RARB: variants seen among roughly 807,000 people sequenced by gnomAD.
RARB encodes HBV-activated protein.
A neutral mutation model predicts 51.9 loss-of-function variants in RARB; 17 were observed. The ratio of observed to expected loss-of-function variants is 0.33; its 90% CI spans 0.22 to 0.49. RARB has a LOEUF of 0.49. RARB is among the 20% of genes least tolerant of loss of function. The pLI is 0.99. For missense variants in RARB, 369 were observed against 550.8 expected, an observed-to-expected ratio of 0.67 and a Z score of 3.30; for synonymous variants, 215 against 195.4, an observed-to-expected ratio of 1.10 and a Z score of -0.84.
chr3:25,487,925 A>G (rs1470412708), intron 2 of RARB, among the ~76,000 whole-genome samples: 1 of 152,220 alleles, frequency 6.6e-6, no homozygotes, highest in Non-Finnish European at 1.5e-5. Flanking sequence ...ATGAAGCTTT[A>G]TATCTTCCCT....
intron 2 of RARB, among the ~76,000 whole-genome samples, chr3:25,044,678 A>G (rs1698178854): frequency 6.6e-6 from 1 of 152,224 alleles, no homozygotes; most frequent in African/African-American, 2.4e-5. Context: ...TACTGTCTGG[A>G]AAATGGAAGA....
chr3:25,335,983 C>T (rs1340995887), intron 5 of RARB, among the ~76,000 whole-genome samples: 1 of 150,406 alleles, frequency 6.6e-6, no homozygotes, highest in Admixed American at 6.6e-5. Context: ...GTTTTTAAAA[C>T]ATATATAACA....
intron 2 of RARB, among the ~76,000 whole-genome samples, chr3:24,977,046 G>A (rs928476344): frequency 4.6e-5 from 7 of 152,108 alleles, no homozygotes; most frequent in African/African-American, 1.7e-4. Flanking sequence ...GTTTTTGTCA[G>A]GTTTGTCAAA....
chr3:25,134,474 A>T (rs1385927643), intron 4 of RARB, among the ~76,000 whole-genome samples: 2 of 151,974 alleles, frequency 1.3e-5, no homozygotes, highest in African/African-American at 4.8e-5. Flanking sequence ...CAAAATAAGG[A>T]TAAAATACCT....
chr3:25,155,076 C>T (rs969703106), intron 4 of RARB, among the ~76,000 whole-genome samples: 3 of 152,182 alleles, frequency 2.0e-5, no homozygotes, highest in Non-Finnish European at 4.4e-5. Flanking sequence ...CATTGCCATT[C>T]TCTGATTTAG....
chr3:25,102,223 T>A (rs1699414448), intron 3 of RARB, among the ~76,000 whole-genome samples: 1 of 152,040 alleles, frequency 6.6e-6, no homozygotes, highest in Admixed American at 6.6e-5. Context: ...CCACATCAGT[T>A]CAGGAAAGGT....
intron 5 of RARB, among the ~76,000 whole-genome samples, chr3:25,282,017 A>G (rs927718699): frequency 2.6e-5 from 4 of 152,244 alleles, no homozygotes; most frequent in Admixed American, 6.5e-5. Context: ...TGCAAATACA[A>G]AAGCATAATT....
At chr3:24,984,420 G>T (rs1310095768) in intron 2 of RARB, among the ~76,000 whole-genome samples, 2 of 152,180 alleles carry the variant, frequency 1.3e-5, no homozygotes, top group African/African-American at 4.8e-5. Flanking sequence ...TAGGAAAAGA[G>T]AAAATAAAGT....
At chr3:25,312,310 T>G (rs1467577066) in intron 5 of RARB, among the ~76,000 whole-genome samples, 2 of 152,248 alleles carry the variant, frequency 1.3e-5, no homozygotes, top group South Asian at 4.1e-4. Flanking sequence ...ATTCACTGTT[T>G]GATTTGATTC....
At chr3:25,110,222 A>G (rs1419920987) in intron 3 of RARB, among the ~76,000 whole-genome samples, 2 of 152,210 alleles carry the variant, frequency 1.3e-5, no homozygotes, top group African/African-American at 2.4e-5. Context: ...ATACATGTCA[A>G]TGTGTCTTAG....
chr3:25,096,516 A>T (rs1699294744), intron 3 of RARB, among the ~76,000 whole-genome samples: 1 of 152,192 alleles, frequency 6.6e-6, no homozygotes, highest in South Asian at 2.1e-4. Flanking sequence ...TTAGTAAGTT[A>T]TCTATTTTTA....
intron 2 of RARB, among the ~76,000 whole-genome samples, chr3:24,861,199 T>C (rs533377876): frequency 6.6e-6 from 1 of 152,224 alleles, no homozygotes; most frequent in Admixed American, 6.5e-5. Context: ...GTATAACTAC[T>C]ATTTACATGG....
rs192265374 is a variant in RARB at position 25,415,212 on chromosome 3, C to T, written c.179-45981C>T. ...AGAAGTTGTAAATTATAATGAAGTT[C>T]TAATTATTTTGTTTTTTTTATGTGT... On this transcript the variant is annotated intron_variant, in intron 5 of 11. Transcript: ENST00000383772. Among the ~76,000 whole-genome samples the T allele has an allele frequency of 1.8e-3, 273 of 152,078 alleles. 2 individuals are homozygous for T. Among genetic ancestry groups the T allele is most frequent in the African/African-American group, 6.4e-3 (265 of 41,410 alleles).
intron 1 of RARB, among the ~76,000 whole-genome samples, chr3:24,834,265 G>C (rs1426370957): frequency 6.6e-6 from 1 of 152,022 alleles, no homozygotes; most frequent in African/African-American, 2.4e-5. Context: ...GTTAATTTTA[G>C]GAAAATGAAA....
chr3:25,102,113 C>T (rs1314845796), intron 3 of RARB, among the ~76,000 whole-genome samples: 2 of 152,138 alleles, frequency 1.3e-5, no homozygotes, highest in African/African-American at 2.4e-5. Flanking sequence ...GTACCACTCC[C>T]AGGCTAGTCT....
intron 5 of RARB, among the ~76,000 whole-genome samples, chr3:25,304,102 T>C (rs1314038094): frequency 1.3e-5 from 2 of 152,144 alleles, no homozygotes; most frequent in Non-Finnish European, 1.5e-5. Flanking sequence ...ATAAAACATA[T>C]ATGCACAGAT....
chr3:25,057,389 G>A lies in RARB; in HGVS notation c.-379-2736G>A, dbSNP rs188611650. On this transcript the variant is annotated intron_variant, in intron 2 of 11. Transcript: ENST00000383772. ...AGAGTTGGGTTTCACTATTCTGGCC[G>A]TTTTTCCACACTTAAAATTCAAAAC... 8.7e-4 allele frequency among the ~76,000 whole-genome samples: 133 copies of A among 152,068 alleles called. 1 individual carries two copies. Among genetic ancestry groups the A allele is most frequent in the East Asian group, 3.9e-3 (20 of 5,174 alleles).
rs141745094 is a variant in RARB, at chr3:24,983,126, C to T, written c.-379-76999C>T. On this transcript the variant is annotated intron_variant, in intron 2 of 11. Coordinates refer to the RARB transcript ENST00000383772. ...GAGCCACTCCTGGTATTTGAGTTGC[C>T]AATAAAACACACATGTGCTAGTGAG... Among the ~76,000 whole-genome samples, 1,055 of 152,158 alleles carry T rather than the reference C, an allele frequency of 6.9e-3. 8 individuals are homozygous for T. The highest frequency in any genetic ancestry group is 0.024 in the African/African-American group (995 of 41,514).
At chr3:25,168,724 G>T (rs1559490198) in intron 4 of RARB, among the ~76,000 whole-genome samples, 1 of 152,182 alleles carries the variant, frequency 6.6e-6, no homozygotes. Flanking sequence ...TGAAGAAGCG[G>T]AAATGGAGAG....
Sources: gnomAD v4.1 joint callset for allele counts (sites outside exome capture counted in the v4.1 genomes callset) on GRCh38, gnomAD v4.1.1 for gene constraint, MANE v1.5 for transcripts, NCBI Gene and HGNC (gene_info 2026-07-23, HGNC 2026-07-21) for gene names.